Variants in HLCS observed in about 807,000 individuals in gnomAD.
HLCS encodes holocarboxylase synthetase, also known as biotin--protein ligase.
Under a neutral mutation model 75.0 loss-of-function variants are expected in HLCS, and 53 were observed. The observed-to-expected ratio is 0.71, with a 90% CI of 0.57 to 0.89. The LOEUF is 0.89. Ranked by LOEUF, HLCS falls within the 40% of genes least tolerant of loss-of-function variation. The pLI, the probability that HLCS is intolerant of heterozygous loss-of-function variation, is 0.00. For synonymous variants in HLCS, 431 were observed against 428.6 expected, an observed-to-expected ratio of 1.01 and a Z score of -0.07; for missense variants, 966 against 1,074.0, an observed-to-expected ratio of 0.90 and a Z score of 1.41.
At chr21:36,761,505 T>G (rs1364502349) in intron 8 of HLCS, among the ~76,000 whole-genome samples, 1 of 152,032 alleles carries the variant, frequency 6.6e-6, no homozygotes, top group Non-Finnish European at 1.5e-5. Flanking sequence ...TTCACGTTTC[T>G]TTTCTCTCTA....
At chr21:36,919,887 A>C (rs2066088086) in intron 5 of HLCS, among the ~76,000 whole-genome samples, 1 of 152,252 alleles carries the variant, frequency 6.6e-6, no homozygotes, top group South Asian at 2.1e-4. Context: ...ATGCATTCAA[A>C]GGAACTGCTT....
chr21:36,926,864 T>C (rs1357967662), intron 5 of HLCS, among the ~76,000 whole-genome samples: 1 of 149,580 alleles, frequency 6.7e-6, no homozygotes, highest in African/African-American at 2.4e-5. Flanking sequence ...TGCCTCAGCC[T>C]CCCGAGTAGC....
intron 3 of HLCS, among the ~76,000 whole-genome samples, chr21:36,938,631 C>T (rs374442944): frequency 2.6e-5 from 4 of 152,134 alleles, no homozygotes; most frequent in South Asian, 4.2e-4. Flanking sequence ...CCCAAGTAGC[C>T]GGGACCACAG....
intron 6 of HLCS, among the ~76,000 whole-genome samples, chr21:36,767,757 T>C (rs187530955): frequency 6.6e-6 from 1 of 152,212 alleles, no homozygotes; most frequent in East Asian, 1.9e-4. Flanking sequence ...AGAAAACCAA[T>C]ATGGTGGCAA....
At chr21:36,965,126 A>AT (rs2068499377) in intron 1 of HLCS, among the ~76,000 whole-genome samples, 1 of 152,170 alleles carries the variant, frequency 6.6e-6, no homozygotes, top group African/African-American at 2.4e-5. Flanking sequence ...AAGAAAGAGT[A>AT]TTTTTTATTT....
chr21:36,846,807 G>C lies in HLCS; in HGVS notation c.1892+50053C>G, dbSNP rs370301636. ...GCTTGTCTAAACAACTGCTAAATCT[G>C]AAGGCAAACAGCTCAACTCCATGTG... On this transcript the variant is annotated intron_variant, in intron 6 of 10. Coordinates refer to ENST00000674895, the MANE Select transcript of HLCS (RefSeq NM_001352514.2). Among the ~76,000 whole-genome samples the C allele has an allele frequency of 2.0e-5, 3 of 152,112 alleles. No homozygotes were observed. The East Asian group carries it at 5.8e-4, about 29-fold the overall frequency.
chr21:36,940,108 A>T (rs1453729932), intron 2 of HLCS, among the ~76,000 whole-genome samples: 1 of 152,200 alleles, frequency 6.6e-6, no homozygotes, highest in African/African-American at 2.4e-5. Context: ...ATCAAAGAGT[A>T]TACGTAATGC....
intron 6 of HLCS, among the ~76,000 whole-genome samples, chr21:36,872,834 G>T (rs1420540696): frequency 6.6e-6 from 1 of 152,016 alleles, no homozygotes; most frequent in Non-Finnish European, 1.5e-5. Context: ...GTTTATCTTG[G>T]GTAAATATCT....
At chr21:36,805,446 C>G (rs1002907020) in intron 6 of HLCS, among the ~76,000 whole-genome samples, 1 of 152,228 alleles carries the variant, frequency 6.6e-6, no homozygotes, top group Non-Finnish European at 1.5e-5. Context: ...AGGACATGAC[C>G]TCCCCAGCTC....
chr21:36,759,155 G>A (rs1363287433), intron 9 of HLCS: 1 of 471,128 alleles, frequency 2.1e-6, no homozygotes, highest in South Asian at 1.5e-5. Context: ...ACACAGATTA[G>A]GTTCTACTGC....
At chr21:36,792,069 G>A (rs1046114218) in intron 6 of HLCS, among the ~76,000 whole-genome samples, 10 of 152,022 alleles carry the variant, frequency 6.6e-5, no homozygotes, top group African/African-American at 1.9e-4. Context: ...AGGTGAGTGC[G>A]CTACCTGTCA....
At position 36,784,311 on chromosome 21, in the gene HLCS, C is replaced by CTT. The variant is rs34045793; in HGVS notation, c.1893-17028_1893-17027dup. Among the ~76,000 whole-genome samples, 44 of 130,632 alleles carry CTT rather than the reference C, an allele frequency of 3.4e-4. 1 individual carries two copies. The highest frequency in any genetic ancestry group is 1.5e-3 in the South Asian group (6 of 3,882). The allele number at this position is 130,632 out of a possible 152,430, so 85.7% of individuals were successfully genotyped here. A position where few individuals can be genotyped will look rare whatever the true frequency, so the allele number is the denominator to read the frequency against. Reference sequence around the variant, plus strand: ...GAATTTCAAGGTAGAAATACCACCTCTTTTTTTTTTTTTTTTTTTTAATGA... The same window carrying CTT: ...GAATTTCAAGGTAGAAATACCACCTCTTTTTTTTTTTTTTTTTTTTTTAATGA... On this transcript the variant is annotated intron_variant, in intron 6 of 10. Coordinates refer to ENST00000674895, the MANE Select transcript of HLCS (RefSeq NM_001352514.2).
intron 1 of HLCS, among the ~76,000 whole-genome samples, chr21:36,962,948 T>G (rs1245819579): frequency 6.6e-6 from 1 of 152,110 alleles, no homozygotes; most frequent in African/African-American, 2.4e-5. Flanking sequence ...ACCTTCCTTA[T>G]AGTGAAATCA....
chr21:36,953,913 T>C (rs1344524884), intron 2 of HLCS, among the ~76,000 whole-genome samples: 2 of 152,128 alleles, frequency 1.3e-5, no homozygotes, highest in Non-Finnish European at 1.5e-5. Flanking sequence ...GGTAAAAAAT[T>C]CCCATGGTCT....
At chr21:36,795,631 G>A (rs1312207508) in intron 6 of HLCS, among the ~76,000 whole-genome samples, 3 of 152,210 alleles carry the variant, frequency 2.0e-5, no homozygotes, top group Non-Finnish European at 4.4e-5. Flanking sequence ...TATTCCCTGA[G>A]AGACAGATGT....
chr21:36,751,266 A>G lies in HLCS; in HGVS notation c.*2980T>C, dbSNP rs998863295. On this transcript the variant is annotated 3_prime_UTR_variant, in exon 11 of 11. Transcript: ENST00000674895. ...TGGTTTAAAGTGATTCTTTTCAGAG[A>G]CATCCTTTGAGAAGTTAAAATTGCA... 33 of 152,802 alleles carry G rather than the reference A, an allele frequency of 2.2e-4. No homozygotes were observed. Among genetic ancestry groups the G allele is most frequent in the African/African-American group, 6.7e-4 (28 of 41,594 alleles). 9.5% of individuals were successfully genotyped at this position (152,802 alleles called of 1,614,324 possible).
chr21:36,890,357 G>C (rs576180503), intron 6 of HLCS, among the ~76,000 whole-genome samples: 2 of 152,196 alleles, frequency 1.3e-5, no homozygotes, highest in Non-Finnish European at 2.9e-5. Flanking sequence ...CAGGATAAAG[G>C]ATGAAATCAC....
At chr21:36,916,444 C>T (rs558984561) in intron 5 of HLCS, among the ~76,000 whole-genome samples, 3 of 151,976 alleles carry the variant, frequency 2.0e-5, no homozygotes, top group South Asian at 4.2e-4. Flanking sequence ...ACTCAACTCC[C>T]GGGCTCAAGA....
chr21:36,844,928 C>T (rs1015423396), intron 6 of HLCS, among the ~76,000 whole-genome samples: 1 of 152,088 alleles, frequency 6.6e-6, no homozygotes, highest in Non-Finnish European at 1.5e-5. Flanking sequence ...GGGTTTCAAA[C>T]ATCTGCTTAC....
Sources: allele counts gnomAD v4.1 joint callset (sites outside exome capture counted in the v4.1 genomes callset), GRCh38; gene constraint gnomAD v4.1.1; transcripts MANE v1.5; gene names NCBI Gene and HGNC (gene_info 2026-07-23, HGNC 2026-07-21).